BEND2: variants seen among roughly 807,000 people sequenced by gnomAD.
BEND2 encodes BEN domain-containing protein 2.
In BEND2, 19 loss-of-function variants were observed where a neutral mutation model predicts 43.8. The observed-to-expected ratio is 0.43, with a 90% confidence interval of 0.30 to 0.64. The LOEUF (loss-of-function observed/expected upper bound fraction) is 0.64. BEND2 is among the 30% of genes least tolerant of loss of function. The pLI is 0.11. For synonymous variants in BEND2, 226 were observed against 210.1 expected (o/e 1.08, Z -0.66); for missense variants, 544 against 574.0 (o/e 0.95, Z 0.53).
intron 7 of BEND2, among the ~76,000 whole-genome samples, chrX:18,191,698 A>T (rs1159776138): frequency 8.9e-6 from 1 of 112,098 alleles, no homozygotes; most frequent in African/African-American, 3.2e-5. Flanking sequence ...GCAATAAAAA[A>T]GAAGGAACCA....
chrX:18,196,364 A>T (rs1416485039), intron 6 of BEND2, among the ~76,000 whole-genome samples: 2 of 110,807 alleles, frequency 1.8e-5, no homozygotes, highest in Non-Finnish European at 1.9e-5. Flanking sequence ...GAGAAACTGG[A>T]TCACCCATAC....
In BEND2 at chrX:18,191,068, T is replaced by G. The variant is rs1021185151; in HGVS notation, c.1221A>C (p.Ser407=). The change falls in exon 8 of 14, where the codon TCA becomes TCC. Residue 407 remains serine (S), a synonymous_variant. Transcript: ENST00000380033. The part of the protein sequence containing the change: ...PQMSYGTMSY[S]TEMKNNCDQD... ...GGTCACAGTTATTTTTCATTTCAGTTGAGTAACTCATTGTCCCATAACTCA... is the reference window on the plus strand; with the variant it reads ...GGTCACAGTTATTTTTCATTTCAGTGGAGTAACTCATTGTCCCATAACTCA... The G allele has an allele frequency of 3.3e-6, 4 of 1,210,139 alleles. No individual in the cohort carries two copies. Among genetic ancestry groups the G allele is most frequent in the Non-Finnish European group, 3.4e-6 (3 of 894,671 alleles).
Position 18,212,584 on chromosome X carries a change from CCT to C in BEND2, c.471_472del (p.Gly158LysfsTer10). On this transcript the variant is annotated frameshift_variant, in exon 4 of 14. Transcript: ENST00000380033. LOFTEE classifies it high-confidence loss of function. ...ATCTACCTCTGGAGTATAGAATCTT[CCT>C]CTTTTTGGAAAATCCACTTCCTCTG... is the stretch of plus-strand genomic sequence containing the variant. 8.4e-7 allele frequency: 1 copy of C among 1,192,201 alleles called. No homozygotes were observed. The highest frequency in any genetic ancestry group is 1.1e-6 in the Non-Finnish European group (1 of 878,299).
rs1243639028 is a variant in BEND2 at position 18,191,252 on chromosome X, A to T, written c.1181-144T>A. 3 of 446,108 alleles carry T rather than the reference A, an allele frequency of 6.7e-6. No individual in the cohort carries two copies. In the East Asian group the frequency reaches 1.2e-4, roughly 18 times the overall value. The allele number at this position is 446,108 out of a possible 1,213,427, so 36.8% of individuals were successfully genotyped here. On this transcript the variant is annotated intron_variant, in intron 7 of 13. Coordinates refer to ENST00000380033, the MANE Select transcript of BEND2 (RefSeq NM_153346.5). The stretch of plus-strand genomic sequence containing the variant: ...CATTCTCAGACAAAGAAAAACTTTA[A>T]AAAACGGTGACTGGCTGACTTACCC...
At chrX:18,190,613 G>T (rs781152729) in intron 8 of BEND2, among the ~76,000 whole-genome samples, 32 of 111,197 alleles carry the variant, frequency 2.9e-4, no homozygotes, top group Non-Finnish European at 5.5e-4. Flanking sequence ...TGAAGGAGTA[G>T]ATATGGTTAT....
At chrX:18,212,292 T>C (rs1322173848) in intron 4 of BEND2, among the ~76,000 whole-genome samples, 2 of 109,205 alleles carry the variant, frequency 1.8e-5, no homozygotes, top group Non-Finnish European at 3.8e-5. Context: ...AGAGATGGGG[T>C]TTCACCACGT....
chrX:18,202,028 G>C (rs945496318), intron 5 of BEND2, 88 bp from the exon 6 acceptor site: 2 of 931,781 alleles, frequency 2.1e-6, no homozygotes, highest in Non-Finnish European at 2.9e-6. Flanking sequence ...AAGAAAGAAA[G>C]AGAAACAGAC....
intron 8 of BEND2, among the ~76,000 whole-genome samples, chrX:18,189,255 C>A: frequency 9.1e-6 from 1 of 109,514 alleles, no homozygotes; most frequent in Middle Eastern, 4.8e-3. Flanking sequence ...TGCCTGCAAT[C>A]CTAGTACTTT....
Position 18,175,921 on chromosome X carries a change from A to C in BEND2, c.1752+51T>G, listed in dbSNP as rs370064885. 9 of 1,095,837 alleles carry C rather than the reference A, an allele frequency of 8.2e-6. No individual in the cohort carries two copies. The African/African-American group carries it at 1.5e-4, about 18-fold the overall frequency. The allele number at this position is 1,095,837 out of a possible 1,213,427, so 90.3% of individuals were successfully genotyped here. ...CATGCTATCAGTTCTGAAACTGTACACAGTACAAACTCAGGTAACAGTTAC... is the reference window on the plus strand; with the variant it reads ...CATGCTATCAGTTCTGAAACTGTACCCAGTACAAACTCAGGTAACAGTTAC... On this transcript the variant is annotated intron_variant, in intron 11 of 13. Coordinates refer to ENST00000380033, the MANE Select transcript of BEND2 (RefSeq NM_153346.5).
rs397895069 is a variant in BEND2 at position 18,200,502 on chromosome X, C to CAA, written c.1033+1311_1033+1312dup. On this transcript the variant is annotated intron_variant, in intron 6 of 13. Transcript: ENST00000380033. Reference sequence around the variant, plus strand: ...TGGGCAACAGAGTAAGACTCTGTCTCAAAAAAAAAAAAAAAAAAAAGAAGA... The same window carrying CAA: ...TGGGCAACAGAGTAAGACTCTGTCTCAAAAAAAAAAAAAAAAAAAAAAGAAGA... 4.1e-4 allele frequency among the ~76,000 whole-genome samples: 16 copies of CAA among 38,626 alleles called. No homozygotes were observed. The East Asian group carries it at 5.5e-3, about 13-fold the overall frequency. The allele number at this position is 38,626 out of a possible 115,157, so 33.5% of individuals were successfully genotyped here.
At chrX:18,169,827 C>T (rs764247030) in intron 13 of BEND2, among the ~76,000 whole-genome samples, 52 of 112,184 alleles carry the variant, frequency 4.6e-4, no homozygotes, top group African/African-American at 1.5e-3. Context: ...CTGCAAAAGA[C>T]ATCTTCCAGA....
At chrX:18,173,839 A>G (rs1234068768) in intron 12 of BEND2, among the ~76,000 whole-genome samples, 191 bp downstream of exon 12, 1 of 112,057 alleles carries the variant, frequency 8.9e-6, no homozygotes, top group African/African-American at 3.2e-5. Context: ...AATCAGTCTT[A>G]GAACCATGTG....
chrX:18,215,764 C>T (rs1293379313), intron 2 of BEND2, among the ~76,000 whole-genome samples: 1 of 112,113 alleles, frequency 8.9e-6, no homozygotes, highest in Non-Finnish European at 1.9e-5. Context: ...TGCCAGTCTC[C>T]AACATAGGCA....
chrX:18,182,634 C>T (rs1376825003), intron 8 of BEND2, among the ~76,000 whole-genome samples: 2 of 111,496 alleles, frequency 1.8e-5, no homozygotes, highest in African/African-American at 6.5e-5. Context: ...TCACACCAAT[C>T]AAAAGTGTCT....
At chrX:18,197,020 T>C (rs1924975982) in intron 6 of BEND2, among the ~76,000 whole-genome samples, 1 of 112,573 alleles carries the variant, frequency 8.9e-6, no homozygotes, top group South Asian at 3.7e-4. Flanking sequence ...TCAATGTCAA[T>C]ATCCTGGTTG....
chrX:18,194,972 AACACACACACAC>A (rs201244726), intron 7 of BEND2, among the ~76,000 whole-genome samples: 3 of 99,329 alleles, frequency 3.0e-5, no homozygotes, highest in Non-Finnish European at 4.1e-5. Flanking sequence ...CATAGTACTA[AACACACACACAC>A]ACACACACAC....
At chrX:18,197,930 T>C (rs1925011696) in intron 6 of BEND2, among the ~76,000 whole-genome samples, 2 of 111,400 alleles carry the variant, frequency 1.8e-5, no homozygotes, top group Non-Finnish European at 3.8e-5. Flanking sequence ...CAGAAACCCC[T>C]GACAAAAACA....
intron 2 of BEND2, among the ~76,000 whole-genome samples, 182 bp from the exon 3 acceptor site, chrX:18,214,093 CCAACTATTGCAGCA>C (rs1056647827): frequency 5.4e-5 from 6 of 110,300 alleles, no homozygotes; most frequent in Non-Finnish European, 9.5e-5. Flanking sequence ...TGAGAATAAA[CCAACTATTGCAGCA>C]CATAGCAAGA....
intron 8 of BEND2, among the ~76,000 whole-genome samples, chrX:18,186,458 G>GAA (rs762170297): frequency 8.0e-4 from 37 of 46,030 alleles, no homozygotes; most frequent in African/African-American, 2.2e-3. Flanking sequence ...AACTCCGTCG[G>GAA]AAAAAAAAAA....
Sources: gnomAD v4.1 joint callset for allele counts (sites outside exome capture counted in the v4.1 genomes callset) on GRCh38, gnomAD v4.1.1 for gene constraint, MANE v1.5 for transcripts, NCBI Gene and HGNC (gene_info 2026-07-23, HGNC 2026-07-21) for gene names.